ROBO1: variants seen among roughly 807,000 people sequenced by gnomAD.
ROBO1 encodes the protein roundabout guidance receptor 1.
In ROBO1, 149 loss-of-function variants were observed where a neutral mutation model predicts 195.9. That is an observed-to-expected ratio of 0.76 (90% CI 0.67 to 0.87). The LOEUF (loss-of-function observed/expected upper bound fraction) is 0.87. Among genes scored for constraint, ROBO1 ranks in the 40% least tolerant of loss-of-function variants. The probability of loss-of-function intolerance (pLI) is 0.00; values close to 1 mark genes in which losing one functional copy is unlikely to be tolerated. For missense variants in ROBO1, 1,933 were observed against 2,068.3 expected, an observed-to-expected ratio of 0.93 and a Z score of 1.27; for synonymous variants, 816 against 733.2, an observed-to-expected ratio of 1.11 and a Z score of -1.82.
intron 3 of ROBO1, among the ~76,000 whole-genome samples, chr3:78,982,847 G>A (rs867055972): frequency 2.6e-5 from 4 of 152,074 alleles, no homozygotes; most frequent in Admixed American, 2.6e-4. Context: ...TCGAACTCCT[G>A]ACCTCAAGTG....
At chr3:78,882,841 C>T (rs1430983186) in intron 4 of ROBO1, among the ~76,000 whole-genome samples, 1 of 138,042 alleles carries the variant, frequency 7.2e-6, no homozygotes, top group African/African-American at 2.7e-5. Context: ...GAGCCTGAGT[C>T]TCACTCTATT....
intron 3 of ROBO1, among the ~76,000 whole-genome samples, chr3:79,034,605 G>T (rs938537823): frequency 3.9e-5 from 6 of 152,008 alleles, no homozygotes; most frequent in African/African-American, 1.4e-4. Context: ...ACTAGAAGAG[G>T]TCTAAATTTC....
At chr3:78,993,772 C>T (rs934986387) in intron 3 of ROBO1, among the ~76,000 whole-genome samples, 3 of 152,090 alleles carry the variant, frequency 2.0e-5, no homozygotes, top group African/African-American at 7.2e-5. Context: ...TTTTCCAGGG[C>T]TTCCAAAGTG....
intron 4 of ROBO1, among the ~76,000 whole-genome samples, chr3:78,910,982 A>G (rs2038209923): frequency 6.6e-6 from 1 of 151,946 alleles, no homozygotes; most frequent in Admixed American, 6.6e-5. Flanking sequence ...TTTTAAGAAA[A>G]CATCTAGATG....
intron 3 of ROBO1, among the ~76,000 whole-genome samples, chr3:78,948,111 C>A (rs1008728288): frequency 2.6e-5 from 4 of 152,090 alleles, no homozygotes; most frequent in Non-Finnish European, 5.9e-5. Flanking sequence ...GGAGCTGGTA[C>A]CATTCCTTCT....
intron 19 of ROBO1, among the ~76,000 whole-genome samples, chr3:78,650,181 TTCAG>T (rs1449177249): frequency 2.0e-5 from 3 of 152,080 alleles, no homozygotes; most frequent in Non-Finnish European, 2.9e-5. Flanking sequence ...TACAATTATT[TTCAG>T]TCAAAGGTTT....
chr3:79,495,997 G>C (rs1939709550), intron 2 of ROBO1, among the ~76,000 whole-genome samples: 1 of 152,048 alleles, frequency 6.6e-6, no homozygotes. Flanking sequence ...TGGATCACCT[G>C]AGTTTAGGAG....
At chr3:78,982,498 T>C (rs1430427197) in intron 3 of ROBO1, among the ~76,000 whole-genome samples, 7 of 152,198 alleles carry the variant, frequency 4.6e-5, no homozygotes, top group Admixed American at 4.6e-4. Flanking sequence ...CAAATGCTAG[T>C]ACTGGGTTTA....
At chr3:78,662,452 C>A (rs146859669) in intron 14 of ROBO1, among the ~76,000 whole-genome samples, 1,590 of 152,164 alleles carry the variant, frequency 0.01, 15 homozygotes, top group Non-Finnish European at 0.015. Context: ...GGCACTAGGG[C>A]AATTCCCTGA....
chr3:79,676,084 C>T (rs973152369), intron 1 of ROBO1, among the ~76,000 whole-genome samples: 7 of 151,822 alleles, frequency 4.6e-5, no homozygotes, highest in African/African-American at 1.2e-4. Context: ...GGTGGTTTTA[C>T]GGAGCCTTAG....
At chr3:79,160,484 A>C (rs1374770130) in intron 2 of ROBO1, among the ~76,000 whole-genome samples, 1 of 152,000 alleles carries the variant, frequency 6.6e-6, no homozygotes, top group Non-Finnish European at 1.5e-5. Flanking sequence ...ATTGGGTGTT[A>C]ACTGAGGGCA....
intron 3 of ROBO1, among the ~76,000 whole-genome samples, chr3:79,052,792 C>A (rs2078728622): frequency 1.3e-5 from 2 of 152,062 alleles, no homozygotes; most frequent in Non-Finnish European, 2.9e-5. Context: ...CATGTGGGAA[C>A]CCAATTCCCT....
At chr3:79,569,122 A>ATG (rs2107738923) in intron 2 of ROBO1, among the ~76,000 whole-genome samples, 1 of 144,300 alleles carries the variant, frequency 6.9e-6, no homozygotes, top group African/African-American at 2.7e-5. Flanking sequence ...GCGCGTGCAC[A>ATG]CGCGCACACA....
At chr3:79,516,019 A>G (rs1009454822) in intron 2 of ROBO1, among the ~76,000 whole-genome samples, 3 of 152,190 alleles carry the variant, frequency 2.0e-5, no homozygotes, top group Non-Finnish European at 4.4e-5. Context: ...TTTCTGTCCC[A>G]CACTTGACTT....
chr3:78,887,623 A>T (rs1288486634), intron 4 of ROBO1, among the ~76,000 whole-genome samples: 1 of 152,152 alleles, frequency 6.6e-6, no homozygotes, highest in East Asian at 1.9e-4. Context: ...CCTGGAGGAG[A>T]GGAGTGAAGA....
At chr3:79,384,701 G>T (rs1022641911) in intron 2 of ROBO1, among the ~76,000 whole-genome samples, 3 of 151,882 alleles carry the variant, frequency 2.0e-5, no homozygotes, top group African/African-American at 7.2e-5. Flanking sequence ...CCTAGATGTT[G>T]CATTACAATC....
chr3:79,077,745 T>C (rs768328760), intron 3 of ROBO1, among the ~76,000 whole-genome samples: 4 of 151,842 alleles, frequency 2.6e-5, no homozygotes, highest in Non-Finnish European at 5.9e-5. Context: ...AAGGTTGAAT[T>C]TGGAGAGTCC....
At chr3:79,561,908 G>A (rs1446415258) in intron 2 of ROBO1, among the ~76,000 whole-genome samples, 1 of 152,036 alleles carries the variant, frequency 6.6e-6, no homozygotes, top group African/African-American at 2.4e-5. Flanking sequence ...GACAGGAGTG[G>A]TACCTCGAGG....
At chr3:78,674,049 C>A (rs1393980105) in intron 10 of ROBO1, among the ~76,000 whole-genome samples, 2 of 152,070 alleles carry the variant, frequency 1.3e-5, no homozygotes, top group Non-Finnish European at 2.9e-5. Flanking sequence ...ATATAACACT[C>A]TTTGCACTAT....
Sources: allele counts gnomAD v4.1 joint callset (sites outside exome capture counted in the v4.1 genomes callset), GRCh38; gene constraint gnomAD v4.1.1; transcripts MANE v1.5; gene names NCBI Gene and HGNC (gene_info 2026-07-23, HGNC 2026-07-21).